The following ST6GALNAC5 variants were observed in gnomAD, a reference collection of about 807,000 sequenced individuals.
ST6GALNAC5 encodes the protein ST6 N-acetylgalactosaminide alpha-2,6-sialyltransferase 5.
Under a neutral mutation model 33.6 loss-of-function variants are expected in ST6GALNAC5, and 27 were observed. The observed-to-expected ratio is 0.80, with a 90% CI of 0.59 to 1.11. ST6GALNAC5 has a LOEUF of 1.11. ST6GALNAC5 is among the 50% of genes least tolerant of loss of function. The pLI, the probability that ST6GALNAC5 is intolerant of heterozygous loss-of-function variation, is 0.00. For missense variants in ST6GALNAC5, 428 were observed against 454.0 expected (o/e 0.94, Z 0.52); for synonymous variants, 194 against 171.2 (o/e 1.13, Z -1.04).
At position 77,062,910 on chromosome 1, in the gene ST6GALNAC5, C is replaced by T. The variant is rs961921024; in HGVS notation, c.780-65C>T. 8 of 1,163,314 alleles carry T rather than the reference C, an allele frequency of 6.9e-6. No homozygotes were observed. In the East Asian group the frequency reaches 7.1e-5, roughly 10 times the overall value. The allele number at this position is 1,163,314 out of a possible 1,614,324, so 72.1% of individuals were successfully genotyped here. ...TCAGCTTATTAAAGATAACATCTTA[C>T]CTCAATCAGTCAAAGGAAAAAAAAT... On this transcript the variant is annotated intron_variant, in intron 4 of 4. Coordinates refer to ENST00000477717, the MANE Select transcript of ST6GALNAC5 (RefSeq NM_030965.3).
chr1:77,013,842 A>G (rs561109051), intron 2 of ST6GALNAC5, among the ~76,000 whole-genome samples: 2 of 152,358 alleles, frequency 1.3e-5, no homozygotes, highest in Middle Eastern at 3.4e-3. Context: ...AGCTGCTCAG[A>G]CTGAACTTTA....
At chr1:76,982,138 G>T (rs866588620) in intron 2 of ST6GALNAC5, among the ~76,000 whole-genome samples, 24 of 152,260 alleles carry the variant, frequency 1.6e-4, no homozygotes, top group Middle Eastern at 6.8e-3. Context: ...GCCAGCAATG[G>T]AACAAAGCTG....
chr1:76,896,550 G>A (rs567166312), intron 2 of ST6GALNAC5, among the ~76,000 whole-genome samples: 3 of 152,114 alleles, frequency 2.0e-5, no homozygotes, highest in East Asian at 1.9e-4. Flanking sequence ...TAAATCAAGC[G>A]TGATCAGGGT....
At chr1:76,936,222 G>A (rs1164284989) in intron 2 of ST6GALNAC5, among the ~76,000 whole-genome samples, 1 of 151,966 alleles carries the variant, frequency 6.6e-6, no homozygotes, top group East Asian at 1.9e-4. Context: ...ATTGTTCTTT[G>A]ACTATTTTCC....
intron 2 of ST6GALNAC5, among the ~76,000 whole-genome samples, chr1:76,971,641 C>T (rs1648762337): frequency 6.6e-6 from 1 of 152,078 alleles, no homozygotes; most frequent in Admixed American, 6.6e-5. Flanking sequence ...TTTCGTCCCT[C>T]TATGAGTTTA....
intron 2 of ST6GALNAC5, among the ~76,000 whole-genome samples, chr1:77,042,206 C>T (rs991163605): frequency 6.6e-6 from 1 of 152,230 alleles, no homozygotes; most frequent in African/African-American, 2.4e-5. Flanking sequence ...CAGTGCCTAA[C>T]ACAGTTGTGG....
At chr1:77,022,991 G>A (rs2100438718) in intron 2 of ST6GALNAC5, among the ~76,000 whole-genome samples, 1 of 152,266 alleles carries the variant, frequency 6.6e-6, no homozygotes, top group African/African-American at 2.4e-5. Flanking sequence ...TACTTAAGGA[G>A]GTAATTAAGT....
chr1:76,871,571 T>C (rs1453958233), intron 2 of ST6GALNAC5, among the ~76,000 whole-genome samples: 3 of 151,962 alleles, frequency 2.0e-5, no homozygotes, highest in Non-Finnish European at 4.4e-5. Flanking sequence ...CTGTCTGCAA[T>C]GATGGTCTTG....
intron 2 of ST6GALNAC5, among the ~76,000 whole-genome samples, chr1:76,919,595 C>T (rs1647010736): frequency 6.6e-6 from 1 of 152,140 alleles, no homozygotes; most frequent in Non-Finnish European, 1.5e-5. Context: ...CTCATCTCCT[C>T]AGCTATAAAG....
At chr1:76,925,016 T>C (rs1426055273) in intron 2 of ST6GALNAC5, among the ~76,000 whole-genome samples, 1 of 152,088 alleles carries the variant, frequency 6.6e-6, no homozygotes, top group Non-Finnish European at 1.5e-5. Flanking sequence ...CATCTGCTCC[T>C]GGTGAGGGCC....
intron 2 of ST6GALNAC5, among the ~76,000 whole-genome samples, chr1:76,899,361 G>A (rs145798003): frequency 0.018 from 2,745 of 151,992 alleles, 83 homozygotes; most frequent in African/African-American, 0.062. Context: ...AGAAGGGGTC[G>A]GGGTGTGGAA....
At chr1:77,001,658 C>A (rs1026751962) in intron 2 of ST6GALNAC5, among the ~76,000 whole-genome samples, 2 of 151,974 alleles carry the variant, frequency 1.3e-5, no homozygotes, top group African/African-American at 4.8e-5. Context: ...TTTTGAAATA[C>A]CTCCCATCAA....
intron 2 of ST6GALNAC5, among the ~76,000 whole-genome samples, chr1:76,975,505 G>A (rs935351784): frequency 2.0e-5 from 3 of 152,126 alleles, no homozygotes; most frequent in African/African-American, 7.2e-5. Flanking sequence ...TAATCTACAG[G>A]TTCATTAACA....
intron 2 of ST6GALNAC5, among the ~76,000 whole-genome samples, chr1:76,904,845 T>C (rs1290055351): frequency 6.6e-6 from 1 of 151,806 alleles, no homozygotes; most frequent in Non-Finnish European, 1.5e-5. Flanking sequence ...AAAAGAGTCA[T>C]TAACAGACAG....
intron 2 of ST6GALNAC5, among the ~76,000 whole-genome samples, chr1:77,001,882 T>A (rs1650180970): frequency 6.6e-6 from 1 of 152,008 alleles, no homozygotes; most frequent in Admixed American, 6.6e-5. Flanking sequence ...TGCTGCTGGA[T>A]TCGTTTTGCC....
intron 2 of ST6GALNAC5, among the ~76,000 whole-genome samples, chr1:76,897,072 G>A (rs920818844): frequency 2.1e-4 from 32 of 152,292 alleles, no homozygotes; most frequent in African/African-American, 5.1e-4. Flanking sequence ...GAATTATGCC[G>A]AGATAGGTAA....
intron 2 of ST6GALNAC5, among the ~76,000 whole-genome samples, chr1:76,983,281 G>A (rs1051296734): frequency 1.3e-5 from 2 of 152,060 alleles, no homozygotes; most frequent in African/African-American, 4.8e-5. Context: ...CACATGCAAA[G>A]ACTCACATAG....
chr1:76,966,778 A>C (rs1274790601), intron 2 of ST6GALNAC5, among the ~76,000 whole-genome samples: 2 of 152,142 alleles, frequency 1.3e-5, no homozygotes, highest in African/African-American at 4.8e-5. Context: ...TTCCATCAAT[A>C]CCTAGTTTAT....
intron 2 of ST6GALNAC5, among the ~76,000 whole-genome samples, chr1:76,976,796 C>A (rs559697214): frequency 4.6e-5 from 7 of 152,142 alleles, no homozygotes; most frequent in African/African-American, 1.4e-4. Flanking sequence ...TTCTCCTGTT[C>A]CTCCTTGATT....
Sources: gnomAD v4.1 joint callset for allele counts (sites outside exome capture counted in the v4.1 genomes callset) on GRCh38, gnomAD v4.1.1 for gene constraint, MANE v1.5 for transcripts, NCBI Gene and HGNC (gene_info 2026-07-23, HGNC 2026-07-21) for gene names.